Variants in ZNF10 observed in about 807,000 individuals in gnomAD.
ZNF10 encodes zinc finger protein 10, also known as zinc finger protein 10 (KOX 1).
Under a neutral mutation model 12.2 loss-of-function variants are expected in ZNF10, and 8 were observed. The ratio of observed to expected loss-of-function variants is 0.66; its 90% confidence interval spans 0.39 to 1.18. ZNF10 has a LOEUF of 1.18. Ranked by LOEUF, ZNF10 falls within the 50% of genes most tolerant of loss-of-function variation. The pLI, the probability that ZNF10 is intolerant of heterozygous loss-of-function variation, is 0.01. For missense variants in ZNF10, 603 were observed against 678.9 expected, an observed-to-expected ratio of 0.89 and a Z score of 1.24; for synonymous variants, 229 against 228.2, an observed-to-expected ratio of 1.00 and a Z score of -0.03.
intron 2 of ZNF10, among the ~76,000 whole-genome samples, chr12:133,147,987 C>G (rs1200232958): frequency 6.6e-6 from 1 of 152,002 alleles, no homozygotes; most frequent in East Asian, 1.9e-4. Context: ...TGTACAAGTC[C>G]TTTGTCAGAT....
intron 1 of ZNF10, among the ~76,000 whole-genome samples, chr12:133,133,670 G>A (rs1488452390): frequency 2.6e-5 from 4 of 152,208 alleles, no homozygotes; most frequent in East Asian, 1.9e-4. Flanking sequence ...TGGGGCAAGT[G>A]TAGTGGGAGT....
At chr12:133,135,326 G>A (rs1955904744) in intron 1 of ZNF10, among the ~76,000 whole-genome samples, 1 of 152,134 alleles carries the variant, frequency 6.6e-6, no homozygotes, top group South Asian at 2.1e-4. Flanking sequence ...TGCACTGTGA[G>A]CTGGGGAAAG....
chr12:133,138,205 T>A (rs12313498), intron 1 of ZNF10, among the ~76,000 whole-genome samples: 91,682 of 151,816 alleles, frequency 0.6, 28,691 homozygotes, highest in African/African-American at 0.73. Context: ...AGTTATCTAG[T>A]AGTAGTTGCT....
intron 1 of ZNF10, among the ~76,000 whole-genome samples, chr12:133,133,771 A>G (rs781001882): frequency 6.6e-6 from 1 of 152,330 alleles, no homozygotes; most frequent in East Asian, 1.9e-4. Context: ...TGCCTCAAAT[A>G]GTAACTTTCA....
At chr12:133,150,357 T>C (rs569368633) in intron 2 of ZNF10, among the ~76,000 whole-genome samples, 5 of 152,328 alleles carry the variant, frequency 3.3e-5, no homozygotes, top group Admixed American at 2.0e-4. Context: ...GGTTTGTCTG[T>C]TCTTTCAACA....
At chr12:133,154,141 A>G (rs7979415) in intron 4 of ZNF10, among the ~76,000 whole-genome samples, 33,697 of 151,904 alleles carry the variant, frequency 0.22, 4,515 homozygotes, top group Non-Finnish European at 0.3. Context: ...AGTTTAACCC[A>G]TAATACCAGG....
chr12:133,147,738 C>G (rs1955984461), intron 2 of ZNF10, among the ~76,000 whole-genome samples: 1 of 151,384 alleles, frequency 6.6e-6, no homozygotes, highest in Non-Finnish European at 1.5e-5. Context: ...GCCTTAGCCT[C>G]CCGAGTAGCT....
Position 133,156,400 on chromosome 12 carries a change from C to A in ZNF10, c.1154C>A (p.Ser385Tyr), listed in dbSNP as rs1195533526. The change falls in exon 5 of 5, where the codon TCT becomes TAT. Residue 385 changes from serine to tyrosine, a missense_variant. Ser to Tyr is a moderately radical substitution (Grantham distance 144, BLOSUM62 -2). This residue lies in a region of ZNF10 where 204 missense variants were observed against 262.8 expected (regional missense o/e 0.78). Transcript: ENST00000248211. ...KPYECPECGK[S>Y]FRQSTHLILH... ...TATGAATGTCCTGAATGTGGGAAATCTTTCAGACAGAGCACACATCTCATT... is the reference window on the plus strand; with the variant it reads ...TATGAATGTCCTGAATGTGGGAAATATTTCAGACAGAGCACACATCTCATT... 1 of 1,613,966 alleles carries A rather than the reference C, an allele frequency of 6.2e-7. No individual in the cohort carries two copies. Among genetic ancestry groups the A allele is most frequent in the Admixed American group, 1.7e-5 (1 of 60,016 alleles).
rs1035151676 is a variant in ZNF10 at position 133,159,164 on chromosome 12, A to G, written c.*2196A>G. On this transcript the variant is annotated 3_prime_UTR_variant, in exon 5 of 5. Transcript: ENST00000248211. ...TGCCTGGCACATAGTAGGTGCCATT[A>G]ATAATATTACTATTGTTAACACCTT... 4.6e-5 allele frequency: 7 copies of G among 152,252 alleles called. No individual in the cohort carries two copies. The highest frequency in any genetic ancestry group is 1.7e-4 in the African/African-American group (7 of 41,472). The allele number at this position is 152,252 out of a possible 1,614,324, so 9.4% of individuals were successfully genotyped here.
At chr12:133,149,722 G>A (rs1053629875) in intron 2 of ZNF10, among the ~76,000 whole-genome samples, 3 of 148,278 alleles carry the variant, frequency 2.0e-5, no homozygotes, top group African/African-American at 7.5e-5. Flanking sequence ...GACCATTTTT[G>A]TTTAATGTTA....
intron 1 of ZNF10, among the ~76,000 whole-genome samples, chr12:133,132,695 C>T (rs556318520): frequency 3.2e-4 from 48 of 152,266 alleles, no homozygotes; most frequent in African/African-American, 1.1e-3. Flanking sequence ...TATAGGCCAC[C>T]TTTGTCTGTG....
rs140770786 is a variant in ZNF10, at chr12:133,154,012, C to T, written c.257-1491C>T. 2.6e-4 allele frequency among the ~76,000 whole-genome samples: 40 copies of T among 152,020 alleles called. 1 individual carries two copies. The highest frequency in any genetic ancestry group is 3.4e-3 in the Middle Eastern group (1 of 292). Reference sequence around the variant, plus strand: ...ACTGGATTAGGGGCCCATCCTATTTCTGGTACTACCTCATCATAACTAATT... The same window carrying T: ...ACTGGATTAGGGGCCCATCCTATTTTTGGTACTACCTCATCATAACTAATT... On this transcript the variant is annotated intron_variant, in intron 4 of 4. Coordinates refer to ENST00000248211, the MANE Select transcript of ZNF10 (RefSeq NM_015394.5).
At position 133,156,994 on chromosome 12, in the gene ZNF10, G is replaced by A. The variant is rs375865705; in HGVS notation, c.*26G>A. On this transcript the variant is annotated 3_prime_UTR_variant, in exon 5 of 5. Coordinates refer to ENST00000248211, the MANE Select transcript of ZNF10 (RefSeq NM_015394.5). ...TAAATATGGGAATTTTTCACAAAGA[G>A]CAATGACTTTATTTTGCATTGGAGA... 46 of 1,404,788 alleles carry A rather than the reference G, an allele frequency of 3.3e-5. No individual in the cohort carries two copies. In the African/African-American group the frequency reaches 4.5e-4, roughly 14 times the overall value. 87.0% of individuals were successfully genotyped at this position (1,404,788 alleles called of 1,614,324 possible).
intron 1 of ZNF10, among the ~76,000 whole-genome samples, chr12:133,135,379 G>A (rs1404688299): frequency 6.6e-6 from 1 of 151,938 alleles, no homozygotes; most frequent in African/African-American, 2.4e-5. Context: ...TTATGCTGCT[G>A]CAGCCAAAAC....
chr12:133,144,012 G>GC (rs2135460629), intron 1 of ZNF10: 1 of 153,052 alleles, frequency 6.5e-6, no homozygotes, highest in East Asian at 1.9e-4. Flanking sequence ...CCATCTTCAA[G>GC]CCAGTAATGG....
rs1956039110 is a variant in ZNF10, at chr12:133,156,074, G to T, written c.828G>T (p.Trp276Cys). 1.9e-6 allele frequency: 3 copies of T among 1,613,356 alleles called. No homozygotes were observed. Among genetic ancestry groups the T allele is most frequent in the Non-Finnish European group, 2.5e-6 (3 of 1,179,958 alleles). Reference protein sequence around the residue: ...ECKECGKFFSWRSNLTRHQLI... With the variant: ...ECKECGKFFSCRSNLTRHQLI... ...AGGAATGTGGAAAATTCTTCAGCTG[G>T]CGCTCTAATCTTACTAGGCATCAGC... The change falls in exon 5 of 5, where the codon TGG becomes TGT. Residue 276 changes from tryptophan (W) to cysteine (C), a missense_variant. This residue lies in a region of ZNF10 where 393 missense variants were observed against 399.7 expected (regional missense o/e 0.98). Coordinates refer to ENST00000248211, the MANE Select transcript of ZNF10 (RefSeq NM_015394.5).
chr12:133,137,156 C>T (rs1358957497), intron 1 of ZNF10, among the ~76,000 whole-genome samples: 4 of 152,200 alleles, frequency 2.6e-5, no homozygotes, highest in African/African-American at 7.2e-5. Context: ...CTCTCCATTT[C>T]TACCATCATG....
chr12:133,142,777 A>G (rs1955953821), intron 1 of ZNF10, among the ~76,000 whole-genome samples: 1 of 152,222 alleles, frequency 6.6e-6, no homozygotes, highest in South Asian at 2.1e-4. Context: ...GCCACTATGG[A>G]AAACAATTTG....
At chr12:133,143,662 T>C (rs925664955) in intron 1 of ZNF10, 3 of 152,214 alleles carry the variant, frequency 2.0e-5, no homozygotes, top group Admixed American at 2.0e-4. Flanking sequence ...TAAATTATCT[T>C]TAAAATGTAA....
Sources: allele counts gnomAD v4.1 joint callset (sites outside exome capture counted in the v4.1 genomes callset), GRCh38; gene constraint gnomAD v4.1.1; regional missense constraint gnomAD v4.1.1; transcripts MANE v1.5; gene names NCBI Gene and HGNC (gene_info 2026-07-23, HGNC 2026-07-21).